Variants in INO80D observed in about 807,000 individuals in gnomAD.
INO80D encodes INO80 complex subunit D.
A neutral mutation model predicts 87.6 loss-of-function variants in INO80D; 21 were observed. The observed-to-expected ratio is 0.24, with a 90% CI of 0.17 to 0.35. The LOEUF is 0.35. Among genes scored for constraint, INO80D ranks in the 10% least tolerant of loss-of-function variants. The pLI is 1.00. For synonymous variants in INO80D, 440 were observed against 491.0 expected (o/e 0.90, Z 1.37); for missense variants, 982 against 1,280.7 (o/e 0.77, Z 3.56).
In INO80D at chr2:206,009,785, A is replaced by C; in HGVS notation, c.1552T>G (p.Leu518Val). ...ACTTTACGGGAGTTATCTCCTCTCA[A>C]GAAATTATCCTTTGGAATGAATAAA... ...EEHAKKMDNF[L>V]RGDNSRKVQH... is the part of the protein sequence containing the mutation. Residue 518 changes from leucine to valine, a missense_variant, in exon 9 of 11, where the codon TTG (leucine) becomes GTG (valine). By Grantham distance (32) the Leu-to-Val change is conservative (BLOSUM62 1). Transcript: ENST00000403263. The C allele has an allele frequency of 6.2e-7, 1 of 1,610,230 alleles. No homozygotes were observed. The highest frequency in any genetic ancestry group is 1.7e-5 in the Admixed American group (1 of 59,278).
chr2:206,039,258 G>A (rs368550310), intron 5 of INO80D, among the ~76,000 whole-genome samples: 20 of 152,176 alleles, frequency 1.3e-4, no homozygotes, highest in East Asian at 7.8e-4. Flanking sequence ...TTAGCCAGGC[G>A]TGGTGGCGCA....
intron 1 of INO80D, among the ~76,000 whole-genome samples, chr2:206,083,094 TTTA>T (rs1369757579): frequency 1.8e-4 from 27 of 152,350 alleles, no homozygotes; most frequent in African/African-American, 6.5e-4. Flanking sequence ...CTGAAAATCT[TTTA>T]TTAATTTCAA....
Position 206,005,131 on chromosome 2 carries a change from G to A in INO80D, c.2321C>T (p.Ala774Val). The change falls in exon 11 of 11, where the codon GCA (alanine) becomes GTA (valine). Residue 774 changes from alanine (A) to valine (V), a missense_variant. Ala to Val is a moderately conservative substitution (Grantham distance 64, BLOSUM62 0). Transcript: ENST00000403263. ...TCCTGGGAAGGCTCTCTCCCCAAGT[G>A]CACTCTGGCTGATCAGAGTGGCAGA... is the stretch of plus-strand genomic sequence containing the variant. ...LTSATLISQS[A>V]LGERAFPGQF... 1 of 1,613,978 alleles carries A rather than the reference G, an allele frequency of 6.2e-7. No individual in the cohort carries two copies. Among genetic ancestry groups the A allele is most frequent in the Non-Finnish European group, 8.5e-7 (1 of 1,179,876 alleles).
intron 6 of INO80D, chr2:206,025,785 T>C (rs1272987672): frequency 6.6e-6 from 1 of 152,046 alleles, no homozygotes; most frequent in Non-Finnish European, 1.5e-5. Flanking sequence ...GAGGCTGTAG[T>C]GACCCGTGAT....
intron 8 of INO80D, among the ~76,000 whole-genome samples, chr2:206,013,558 A>C (rs1196386714): frequency 6.6e-6 from 1 of 151,876 alleles, no homozygotes; most frequent in Non-Finnish European, 1.5e-5. Context: ...TCTCAAAAAA[A>C]AAAAAAAAAT....
chr2:206,068,447 G>A (rs1364689062), intron 1 of INO80D, among the ~76,000 whole-genome samples: 2 of 152,128 alleles, frequency 1.3e-5, no homozygotes, highest in Non-Finnish European at 2.9e-5. Context: ...ATTTCTTACA[G>A]GACAAATGTG....
At position 206,062,819 on chromosome 2, in the gene INO80D, G is replaced by T. The variant is rs1203584412; in HGVS notation, c.198C>A (p.Ile66=). Residue 66 remains isoleucine (I), a synonymous_variant, in exon 3 of 11, where the codon ATC becomes ATA. Coordinates refer to ENST00000403263, the MANE Select transcript of INO80D (RefSeq NM_017759.5). This position sits in a 1 kb window ranked among gnomAD's most constrained non-coding sequence, Gnocchi z 4.6. ...CTTACCTACGATCCTCTGATTTGGG[G>T]ATGGGGTTGGTGCAGCGTTGGCTGT... is the stretch of plus-strand genomic sequence containing the variant. The part of the protein sequence containing the change: ...KYNSQRCTNP[I]PKSEDRRYCN... The T allele has an allele frequency of 1.2e-6, 2 of 1,608,604 alleles. No individual in the cohort carries two copies. The highest frequency in any genetic ancestry group is 1.7e-6 in the Non-Finnish European group (2 of 1,178,434).
intron 1 of INO80D, among the ~76,000 whole-genome samples, chr2:206,072,541 G>A (rs1690002455): frequency 6.6e-6 from 1 of 152,054 alleles, no homozygotes. Flanking sequence ...GCCTCCCAAA[G>A]TGCTAGGATT....
chr2:205,999,518 C>CGAA lies in INO80D; in HGVS notation c.*4849_*4850insTTC, dbSNP rs138005765. 3.0e-4 allele frequency: 46 copies of CGAA among 152,160 alleles called. No homozygotes were observed. The East Asian group carries it at 7.0e-3, about 23-fold the overall frequency. The allele number at this position is 152,160 out of a possible 1,614,324, so 9.4% of individuals were successfully genotyped here. On this transcript the variant is annotated 3_prime_UTR_variant, in exon 11 of 11. Coordinates refer to ENST00000403263, the MANE Select transcript of INO80D (RefSeq NM_017759.5). Reference sequence around the variant, plus strand: ...CTCTCTCTCTGAAACGTCACATTTCCTCTTATTAGCTCTGTATCACAGTGC... The same window carrying CGAA: ...CTCTCTCTCTGAAACGTCACATTTCCGAATCTTATTAGCTCTGTATCACAGTGC...
chr2:206,050,940 G>A (rs1446726958), intron 4 of INO80D, among the ~76,000 whole-genome samples: 3 of 151,796 alleles, frequency 2.0e-5, no homozygotes, highest in Non-Finnish European at 4.4e-5. Flanking sequence ...CTGCACTACA[G>A]CCCGGGTGAC....
chr2:206,050,723 C>G (rs1199319816), intron 4 of INO80D, among the ~76,000 whole-genome samples: 1 of 152,102 alleles, frequency 6.6e-6, no homozygotes, highest in Non-Finnish European at 1.5e-5. Flanking sequence ...AATCCCAGCA[C>G]TTTGGGAGGC....
In INO80D at chr2:206,056,594, G is replaced by A. The variant is rs368120505; in HGVS notation, c.568C>T (p.Arg190Ter). The change falls in exon 4 of 11, where the codon CGA (arginine) becomes TGA (stop). Residue 190 changes from arginine to a stop codon, truncating the protein, a stop_gained. Transcript: ENST00000403263. LOFTEE classifies it high-confidence loss of function. ...RQRETEILKV[R>*]QEHFSPPPAP... is the part of the protein sequence containing the mutation. ...GGAGGGGGACTAAAGTGCTCTTGTC[G>A]AACTTTTAAAATCTCTGTCTCTCTC... 6.2e-7 allele frequency: 1 copy of A among 1,610,394 alleles called. No homozygotes were observed.
At chr2:206,022,482 T>C (rs2105822839) in intron 6 of INO80D, among the ~76,000 whole-genome samples, 1 of 152,280 alleles carries the variant, frequency 6.6e-6, no homozygotes, top group South Asian at 2.1e-4. Flanking sequence ...TTTTCATGTT[T>C]TTCATATTTA....
At chr2:206,084,600 G>T (rs1265036522) in intron 1 of INO80D, 1 of 152,164 alleles carries the variant, frequency 6.6e-6, no homozygotes, top group African/African-American at 2.4e-5. Context: ...AAAAGGAGGG[G>T]AAACTCCTAC....
At chr2:206,084,930 A>C (rs1236188953) in intron 1 of INO80D, among the ~76,000 whole-genome samples, 1 of 152,182 alleles carries the variant, frequency 6.6e-6, no homozygotes, top group African/African-American at 2.4e-5. Flanking sequence ...AAACCGGAAG[A>C]GAAGGCCCTC....
rs774186378 is a variant in INO80D at position 206,004,898 on chromosome 2, A to G, written c.2554T>C (p.Ser852Pro). The change falls in exon 11 of 11, where the codon TCT becomes CCT. Residue 852 changes from serine to proline, a missense_variant. Transcript: ENST00000403263. The surrounding 1 kb of genome is among the most constrained non-coding windows in gnomAD (Gnocchi z 4.9). ...AAGGTAGCTGCCATATTATCACCAG[A>G]GTACGATGTTGTGTGGGGAGAGGTG... ...HITSPHTTSY[S>P]GDNMAATFSA... The G allele has an allele frequency of 6.2e-7, 1 of 1,613,948 alleles. No individual in the cohort carries two copies. The highest frequency in any genetic ancestry group is 8.5e-7 in the Non-Finnish European group (1 of 1,179,860).
At chr2:206,075,027 G>A (rs997563892) in intron 1 of INO80D, among the ~76,000 whole-genome samples, 21 of 96,024 alleles carry the variant, frequency 2.2e-4, no homozygotes, top group African/African-American at 4.8e-4. Context: ...TGACAAGAGC[G>A]AAACTCCATC....
intron 5 of INO80D, 64 bp from the exon 6 acceptor site, chr2:206,028,399 AACG>A: frequency 7.6e-7 from 1 of 1,315,252 alleles, no homozygotes; most frequent in Non-Finnish European, 1.1e-6. Flanking sequence ...AGACAGGGTA[AACG>A]AGAATTAGGA....
intron 6 of INO80D, among the ~76,000 whole-genome samples, chr2:206,020,458 C>T (rs979418824): frequency 2.0e-5 from 3 of 152,070 alleles, no homozygotes; most frequent in Non-Finnish European, 2.9e-5. Flanking sequence ...ACCCATAAAT[C>T]TGCAAAAAAA....
Sources: allele counts gnomAD v4.1 joint callset (sites outside exome capture counted in the v4.1 genomes callset), GRCh38; gene constraint gnomAD v4.1.1; non-coding constraint Gnocchi (gnomAD v3.1); transcripts MANE v1.5; gene names NCBI Gene and HGNC (gene_info 2026-07-23, HGNC 2026-07-21).